The following LMNA variants were observed in gnomAD, a reference collection of about 807,000 sequenced individuals.
LMNA encodes lamin A/C, also known as lamin.
LMNA carries 20 observed loss-of-function variants against 70.4 expected under a neutral mutation model. The observed-to-expected ratio is 0.28, with a 90% CI of 0.20 to 0.41. LMNA has a LOEUF of 0.41. Ranked by LOEUF, LMNA falls within the 10% of genes least tolerant of loss-of-function variation. The pLI, the probability that LMNA is intolerant of heterozygous loss-of-function variation, is 1.00. For synonymous variants in LMNA, 339 were observed against 372.8 expected (o/e 0.91, Z 1.04); for missense variants, 652 against 917.2 (o/e 0.71, Z 3.73).
intron 3 of LMNA, among the ~76,000 whole-genome samples, chr1:156,097,846 A>G (rs1384014729): frequency 6.6e-6 from 1 of 152,206 alleles, no homozygotes; most frequent in Non-Finnish European, 1.5e-5. Flanking sequence ...CTCCAAGCCC[A>G]AGAGAGTAGG....
chr1:156,130,611 C>G lies in LMNA; in HGVS notation c.357-6C>G. The G allele has an allele frequency of 6.2e-7, 1 of 1,613,914 alleles. No individual in the cohort carries two copies. Among genetic ancestry groups the G allele is most frequent in the Non-Finnish European group, 8.5e-7 (1 of 1,179,998 alleles). On this transcript the variant is annotated splice_region_variant and splice_polypyrimidine_tract_variant and intron_variant, in intron 1 of 11. Coordinates refer to ENST00000368300, the MANE Select transcript of LMNA (RefSeq NM_170707.4). ...TCTTAAATCTACTCTCCCCTCTCTT[C>G]TTTAGCAATACCAAGAAGGAGGGTG... is the stretch of plus-strand genomic sequence containing the variant.
chr1:156,104,487 C>T (rs1394313436), intron 3 of LMNA, among the ~76,000 whole-genome samples: 4 of 151,966 alleles, frequency 2.6e-5, no homozygotes, highest in African/African-American at 4.8e-5. Context: ...TAAATGTGGT[C>T]CTCACCCCCT....
chr1:156,130,669 C>A lies in LMNA; in HGVS notation c.409C>A (p.Leu137Met). ...AGCTGCTCAGGCTCGGCTGAAGGAC[C>A]TGGAGGCTCTGCTGAACTCCAAGGA... ...LIAAQARLKDLEALLNSKEAA... is the reference protein window; with the variant it reads ...LIAAQARLKDMEALLNSKEAA... The change falls in exon 2 of 12, where the codon CTG (leucine) becomes ATG (methionine). Residue 137 changes from leucine (L) to methionine (M), a missense_variant. Coordinates refer to ENST00000368300, the MANE Select transcript of LMNA (RefSeq NM_170707.4). 6.2e-7 allele frequency: 1 copy of A among 1,613,994 alleles called. No homozygotes were observed. Among genetic ancestry groups the A allele is most frequent in the Non-Finnish European group, 8.5e-7 (1 of 1,179,984 alleles).
At chr1:156,095,224 C>T (rs1278927126) in intron 3 of LMNA, among the ~76,000 whole-genome samples, 1 of 152,074 alleles carries the variant, frequency 6.6e-6, no homozygotes, top group African/African-American at 2.4e-5. Context: ...CCACTGCACC[C>T]GGCCAACTCC....
intron 1 of LMNA, among the ~76,000 whole-genome samples, chr1:156,128,604 G>T (rs918484327): frequency 2.0e-5 from 3 of 152,166 alleles, no homozygotes; most frequent in Admixed American, 2.0e-4. Context: ...TGGAACTTGT[G>T]GCTTAGGAAA....
At position 156,139,721 on chromosome 1, in the gene LMNA, T is replaced by C; in HGVS notation, c.*615T>C. On this transcript the variant is annotated 3_prime_UTR_variant, in exon 12 of 12. Coordinates refer to ENST00000368300, the MANE Select transcript of LMNA (RefSeq NM_170707.4). ...CCCCTGCCCCCAGCCCCGGGGTGAG[T>C]CCATTCTCCCAGGTACCAGCTGCGC... 6.6e-7 allele frequency: 1 copy of C among 1,521,012 alleles called. No individual in the cohort carries two copies. The highest frequency in any genetic ancestry group is 1.4e-5 in the African/African-American group (1 of 70,798). 94.2% of individuals were successfully genotyped at this position (1,521,012 alleles called of 1,614,324 possible).
chr1:156,097,270 A>T (rs572968702), intron 3 of LMNA, among the ~76,000 whole-genome samples: 2 of 152,220 alleles, frequency 1.3e-5, no homozygotes, highest in African/African-American at 4.8e-5. Context: ...GCAGTGATTC[A>T]CCACAGGAAA....
Position 156,115,657 on chromosome 1 carries a change from C to A in LMNA, c.356+383C>A, listed in dbSNP as rs1179692315. On this transcript the variant is annotated intron_variant, in intron 1 of 11. Transcript: ENST00000368300. This position sits in a 1 kb window ranked among gnomAD's most constrained non-coding sequence, Gnocchi z 5.8. ...CTCGAAGAACTCTGGGCACCCAGGA[C>A]ACATCGGAGTGGCAGAAAGGGTCCT... Among the ~76,000 whole-genome samples, 3 of 152,230 alleles carry A rather than the reference C, an allele frequency of 2.0e-5. No individual in the cohort carries two copies. In the East Asian group the frequency reaches 5.8e-4, roughly 29 times the overall value.
chr1:156,085,775 G>T (rs988630125), intron 2 of LMNA, among the ~76,000 whole-genome samples: 2 of 152,190 alleles, frequency 1.3e-5, no homozygotes, highest in African/African-American at 4.8e-5. Flanking sequence ...CCAAGGTCTG[G>T]CAGGGCATGG....
chr1:156,123,705 A>G (rs1027963736), intron 1 of LMNA, among the ~76,000 whole-genome samples: 3 of 152,196 alleles, frequency 2.0e-5, no homozygotes, highest in Non-Finnish European at 4.4e-5. Flanking sequence ...GAGGCCAGGA[A>G]GAAGGAAAGT....
intron 2 of LMNA, among the ~76,000 whole-genome samples, chr1:156,086,501 A>T (rs1045214941): frequency 7.2e-5 from 11 of 152,034 alleles, no homozygotes; most frequent in Admixed American, 7.2e-4. Context: ...TGTTTAGTAC[A>T]TACACACACA....
chr1:156,101,650 G>GGGAA (rs1432541302), intron 3 of LMNA, among the ~76,000 whole-genome samples: 1 of 135,474 alleles, frequency 7.4e-6, no homozygotes, highest in East Asian at 2.5e-4. Context: ...GAGGGAGGGA[G>GGGAA]GGAGGGAGGG....
In LMNA at chr1:156,135,162, C is replaced by G. The variant is rs762883244; in HGVS notation, c.811-25C>G. ...CTCCACCCCTCCCAGTCACCACAGT[C>G]CTAACCCTTTGTCCTCCCCTCCAGC... On this transcript the variant is annotated intron_variant, in intron 4 of 11. Coordinates refer to ENST00000368300, the MANE Select transcript of LMNA (RefSeq NM_170707.4). This position sits in a 1 kb window ranked among gnomAD's most constrained non-coding sequence, Gnocchi z 4.8. 1 of 1,613,994 alleles carries G rather than the reference C, an allele frequency of 6.2e-7. No individual in the cohort carries two copies.
rs1651737692 is a variant in LMNA, at chr1:156,137,232, A to G, written c.1608A>G (p.Glu536=). ...LRTALINSTG[E]EVAMRKLVRS... is the part of the protein sequence containing the mutation. Reference sequence around the variant, plus strand: ...CGGCTCTCATCAACTCCACTGGGGAAGTAAGTAGGCCTGGGCCTGGCTGCT... The same window carrying G: ...CGGCTCTCATCAACTCCACTGGGGAGGTAAGTAGGCCTGGGCCTGGCTGCT... The change falls in exon 9 of 12, where the codon GAA becomes GAG. Residue 536 remains glutamate (E), a splice_region_variant and synonymous_variant. Transcript: ENST00000368300. The surrounding 1 kb of genome is among the most constrained non-coding windows in gnomAD (Gnocchi z 4.6). 1 of 1,577,456 alleles carries G rather than the reference A, an allele frequency of 6.3e-7. No individual in the cohort carries two copies. The highest frequency in any genetic ancestry group is 8.6e-7 in the Non-Finnish European group (1 of 1,164,450).
At chr1:156,102,138 G>A (rs1290250896) in intron 3 of LMNA, among the ~76,000 whole-genome samples, 29 of 152,224 alleles carry the variant, frequency 1.9e-4, no homozygotes, top group African/African-American at 7.2e-5. Flanking sequence ...TGTTGGGGCA[G>A]GCCGGCCTTG....
At chr1:156,083,009 A>C (rs1383882321) in exon 2 of LMNA, 1 of 152,274 alleles carries the variant, frequency 6.6e-6, no homozygotes, top group East Asian at 1.9e-4. Flanking sequence ...AGCCCGCAGC[A>C]GCGATGGGGG....
intron 2 of LMNA, among the ~76,000 whole-genome samples, chr1:156,085,966 G>A (rs551796125): frequency 2.7e-4 from 41 of 152,340 alleles, no homozygotes; most frequent in Non-Finnish European, 4.4e-4. Context: ...TGAGGCATGA[G>A]AGTTGCTTGA....
At position 156,137,564 on chromosome 1, in the gene LMNA, A is replaced by G; in HGVS notation, c.1609-90A>G. On this transcript the variant is annotated intron_variant, in intron 9 of 11. Transcript: ENST00000368300. This position sits in a 1 kb window ranked among gnomAD's most constrained non-coding sequence, Gnocchi z 4.6. The stretch of plus-strand genomic sequence containing the variant: ...GCAGGCCGGACAAAGGGCAGGCCAC[A>G]AGAAAAGTTGCAGGTGGTCACTGGG... 1 of 1,215,984 alleles carries G rather than the reference A, an allele frequency of 8.2e-7. No homozygotes were observed. Among genetic ancestry groups the G allele is most frequent in the South Asian group, 1.3e-5 (1 of 77,202 alleles). The allele number at this position is 1,215,984 out of a possible 1,614,324, so 75.3% of individuals were successfully genotyped here.
Position 156,127,058 on chromosome 1 carries a change from C to A in LMNA, c.357-3559C>A, listed in dbSNP as rs1650650662. The A allele has an allele frequency of 3.7e-6, 3 of 801,114 alleles. No homozygotes were observed. The South Asian group carries it at 5.5e-5, about 15-fold the overall frequency. The allele number at this position is 801,114 out of a possible 1,614,324, so 49.6% of individuals were successfully genotyped here. A position where few individuals can be genotyped will look rare whatever the true frequency, so the allele number is the denominator to read the frequency against. ...CCCTGCCAACCCAGCACGGGGACGG[C>A]ACTCAGCGTGTGCTCAGCTTTCCTG... On this transcript the variant is annotated intron_variant, in intron 1 of 11. Transcript: ENST00000368300.
Sources: gnomAD v4.1 joint callset for allele counts (sites outside exome capture counted in the v4.1 genomes callset) on GRCh38, gnomAD v4.1.1 for gene constraint, Gnocchi (gnomAD v3.1) non-coding constraint, MANE v1.5 for transcripts, NCBI Gene and HGNC (gene_info 2026-07-23, HGNC 2026-07-21) for gene names.